The following BRINP3 variants were observed in gnomAD, a reference collection of about 807,000 sequenced individuals.
BRINP3 encodes the protein BMP/retinoic acid inducible neural specific 3.
BRINP3 carries 19 observed loss-of-function variants against 71.0 expected under a neutral mutation model. The observed-to-expected ratio is 0.27, with a 90% CI of 0.19 to 0.39. The LOEUF (loss-of-function observed/expected upper bound fraction) is 0.39. Among genes scored for constraint, BRINP3 ranks in the 10% least tolerant of loss-of-function variants. The pLI is 1.00. For synonymous variants in BRINP3, 380 were observed against 337.7 expected, an observed-to-expected ratio of 1.13 and a Z score of -1.37; for missense variants, 959 against 940.8, an observed-to-expected ratio of 1.02 and a Z score of -0.25.
intron 1 of BRINP3, among the ~76,000 whole-genome samples, chr1:190,458,664 C>T (rs925202210): frequency 1.3e-5 from 2 of 151,794 alleles, no homozygotes; most frequent in South Asian, 2.1e-4. Context: ...TTGTTTGTTA[C>T]GATGTAGTGT....
At chr1:190,138,995 GAA>G (rs1422517716) in intron 7 of BRINP3, among the ~76,000 whole-genome samples, 1 of 152,050 alleles carries the variant, frequency 6.6e-6, no homozygotes, top group Non-Finnish European at 1.5e-5. Context: ...AGAAAGGAGA[GAA>G]AAAGCCTTGA....
chr1:190,126,189 A>C (rs1445576389), intron 7 of BRINP3, among the ~76,000 whole-genome samples: 1 of 152,012 alleles, frequency 6.6e-6, no homozygotes, highest in Non-Finnish European at 1.5e-5. Flanking sequence ...GGCTTGACAA[A>C]ATGCTGATAA....
chr1:190,384,892 CAG>C (rs1670784544), intron 2 of BRINP3, among the ~76,000 whole-genome samples: 1 of 151,736 alleles, frequency 6.6e-6, no homozygotes, highest in African/African-American at 2.4e-5. Flanking sequence ...AAATAATGAA[CAG>C]AGCCCTCAGA....
At chr1:190,265,539 A>AATATATATATATATATATATATATAT (rs36099005) in intron 3 of BRINP3, among the ~76,000 whole-genome samples, 58 of 139,234 alleles carry the variant, frequency 4.2e-4, no homozygotes, top group African/African-American at 1.5e-3. Context: ...GTCTCTACTA[A>AATATATATATATATATATATATATAT]ATATATATAT....
At chr1:190,270,922 G>A (rs10920680) in intron 3 of BRINP3, among the ~76,000 whole-genome samples, 21,434 of 151,316 alleles carry the variant, frequency 0.14, 1,998 homozygotes, top group South Asian at 0.26. Context: ...AGACTTCCAC[G>A]TTTTTAAAAA....
At chr1:190,243,051 C>G (rs916352878) in intron 4 of BRINP3, among the ~76,000 whole-genome samples, 3 of 152,068 alleles carry the variant, frequency 2.0e-5, no homozygotes, top group African/African-American at 7.2e-5. Context: ...CTCAACTATC[C>G]CCATGTAAAC....
chr1:190,106,813 A>G (rs968046701), intron 7 of BRINP3, among the ~76,000 whole-genome samples: 66 of 151,984 alleles, frequency 4.3e-4, no homozygotes, highest in African/African-American at 1.2e-3. Context: ...AATATGTTTC[A>G]TGACCAATTT....
rs1353622451 is a variant in BRINP3 at position 190,454,758 on chromosome 1, C to G, written c.133G>C (p.Asp45His). The G allele has an allele frequency of 6.2e-7, 1 of 1,614,126 alleles. No homozygotes were observed. The highest frequency in any genetic ancestry group is 1.7e-5 in the Admixed American group (1 of 60,026). Reference sequence around the variant, plus strand: ...GGTCCCTTATCAGAGAGGAGCCAGTCGAAGGGGCTTGTGGCATGCTGATCC... The same window carrying G: ...GGTCCCTTATCAGAGAGGAGCCAGTGGAAGGGGCTTGTGGCATGCTGATCC... Reference protein sequence around the residue: ...VSDQHATSPFDWLLSDKGPFH... With the variant: ...VSDQHATSPFHWLLSDKGPFH... The change falls in exon 2 of 8, where the codon GAC (aspartate) becomes CAC (histidine). Residue 45 changes from aspartate (D) to histidine (H), a missense_variant. Coordinates refer to ENST00000367462, the MANE Select transcript of BRINP3 (RefSeq NM_199051.3).
chr1:190,106,970 G>A (rs1652227599), intron 7 of BRINP3, among the ~76,000 whole-genome samples: 1 of 151,824 alleles, frequency 6.6e-6, no homozygotes. Context: ...TAAACCAAAT[G>A]TTTCTGGACT....
chr1:190,319,993 A>G (rs1274277324), intron 2 of BRINP3, among the ~76,000 whole-genome samples: 1 of 152,070 alleles, frequency 6.6e-6, no homozygotes, highest in Non-Finnish European at 1.5e-5. Flanking sequence ...TTTTTTGTTT[A>G]AATTTTGATC....
chr1:190,461,561 T>C (rs944187259), intron 1 of BRINP3, among the ~76,000 whole-genome samples: 2 of 152,166 alleles, frequency 1.3e-5, no homozygotes, highest in Non-Finnish European at 2.9e-5. Flanking sequence ...ATTGCTCCTA[T>C]CTTAATGACA....
chr1:190,209,957 TTAAC>T (rs761098021), intron 6 of BRINP3, among the ~76,000 whole-genome samples: 4 of 152,242 alleles, frequency 2.6e-5, no homozygotes, highest in South Asian at 2.1e-4. Flanking sequence ...ACTTGGTACT[TTAAC>T]TACTTGTTAG....
intron 2 of BRINP3, among the ~76,000 whole-genome samples, chr1:190,401,419 A>G (rs12095554): frequency 0.17 from 25,650 of 150,706 alleles, 2,343 homozygotes; most frequent in East Asian, 0.22. Flanking sequence ...GCAAACAATC[A>G]AAAAGCTAGG....
intron 2 of BRINP3, among the ~76,000 whole-genome samples, chr1:190,291,078 CA>C (rs1663830246): frequency 6.6e-6 from 1 of 151,812 alleles, no homozygotes; most frequent in Non-Finnish European, 1.5e-5. Context: ...CAAACAGAAG[CA>C]AAAAGCCAAG....
At chr1:190,337,543 G>A (rs925791141) in intron 2 of BRINP3, among the ~76,000 whole-genome samples, 2 of 151,968 alleles carry the variant, frequency 1.3e-5, no homozygotes, top group Admixed American at 6.6e-5. Context: ...TCTTTCTCCC[G>A]TGCTGAATGC....
intron 6 of BRINP3, among the ~76,000 whole-genome samples, chr1:190,218,263 T>G (rs1254096129): frequency 6.6e-6 from 1 of 152,080 alleles, no homozygotes; most frequent in Admixed American, 6.6e-5. Context: ...TAAGCTTTGC[T>G]TGTTTTATAC....
chr1:190,393,315 A>T (rs1246190847), intron 2 of BRINP3, among the ~76,000 whole-genome samples: 1 of 151,642 alleles, frequency 6.6e-6, no homozygotes, highest in East Asian at 1.9e-4. Context: ...ATCGGGTATT[A>T]CTATGCTAAC....
chr1:190,138,028 C>A (rs975806010), intron 7 of BRINP3, among the ~76,000 whole-genome samples: 4 of 151,894 alleles, frequency 2.6e-5, no homozygotes, highest in Non-Finnish European at 5.9e-5. Flanking sequence ...GAGCTCGGCT[C>A]ACCGCAACCT....
At chr1:190,261,658 C>T (rs2102862151) in intron 4 of BRINP3, among the ~76,000 whole-genome samples, 1 of 152,206 alleles carries the variant, frequency 6.6e-6, no homozygotes, top group Non-Finnish European at 1.5e-5. Context: ...AATTATCTGT[C>T]TCCTAAATTC....
Sources: allele counts gnomAD v4.1 joint callset (sites outside exome capture counted in the v4.1 genomes callset), GRCh38; gene constraint gnomAD v4.1.1; transcripts MANE v1.5; gene names NCBI Gene and HGNC (gene_info 2026-07-23, HGNC 2026-07-21).